ZZEF1: variants seen among roughly 807,000 people sequenced by gnomAD.
ZZEF1 encodes zinc finger ZZ-type and EF-hand domain containing 1.
In ZZEF1, 157 loss-of-function variants were observed where a neutral mutation model predicts 342.8. The observed-to-expected ratio is 0.46, with a 90% CI of 0.40 to 0.52. The LOEUF (loss-of-function observed/expected upper bound fraction) is 0.52. Among genes scored for constraint, ZZEF1 ranks in the 20% least tolerant of loss-of-function variants. The probability of loss-of-function intolerance (pLI) is 0.00; values close to 1 mark genes in which losing one functional copy is unlikely to be tolerated. For synonymous variants in ZZEF1, 1,505 were observed against 1,429.1 expected (o/e 1.05, Z -1.20); for missense variants, 3,480 against 3,725.6 (o/e 0.93, Z 1.72).
At chr17:4,049,333 G>A (rs569890892) in intron 37 of ZZEF1, among the ~76,000 whole-genome samples, 8 of 152,064 alleles carry the variant, frequency 5.3e-5, no homozygotes, top group Middle Eastern at 3.4e-3. Flanking sequence ...GCAACATGGC[G>A]AAACCCTGTC....
chr17:4,131,944 AC>A (rs1200344741), intron 1 of ZZEF1, among the ~76,000 whole-genome samples: 29 of 152,332 alleles, frequency 1.9e-4, no homozygotes, highest in Admixed American at 1.2e-3. Context: ...AAGGTAAAAG[AC>A]AACTCAAGTC....
At chr17:4,064,959 A>G (rs983034289) in intron 28 of ZZEF1, 130 bp from the exon 29 acceptor site, 6 of 654,520 alleles carry the variant, frequency 9.2e-6, no homozygotes, top group African/African-American at 1.8e-5. Context: ...GCACACCAAC[A>G]TGGCACATGT....
chr17:4,109,581 T>C, intron 6 of ZZEF1, 72 bp downstream of exon 6: 1 of 1,511,402 alleles, frequency 6.6e-7, no homozygotes, highest in Non-Finnish European at 9.1e-7. Flanking sequence ...GGCTGCTCAG[T>C]GATACGCCCT....
chr17:4,134,732 C>A (rs1243796455), intron 1 of ZZEF1, among the ~76,000 whole-genome samples: 1 of 151,950 alleles, frequency 6.6e-6, no homozygotes. Flanking sequence ...GAATCCTGGA[C>A]TGATTCCAGA....
chr17:4,089,245 C>T (rs1487385328), intron 12 of ZZEF1, among the ~76,000 whole-genome samples: 1 of 152,114 alleles, frequency 6.6e-6, no homozygotes, highest in Non-Finnish European at 1.5e-5. Flanking sequence ...CAGTCAATGC[C>T]CTCCACCTCA....
chr17:4,052,403 T>C (rs930268348), intron 34 of ZZEF1, among the ~76,000 whole-genome samples: 31 of 152,308 alleles, frequency 2.0e-4, no homozygotes, highest in African/African-American at 7.5e-4. Context: ...CAAGTCCACA[T>C]GTTAATTTGT....
chr17:4,009,274 A>G (rs1026145561), intron 53 of ZZEF1: 14 of 559,114 alleles, frequency 2.5e-5, no homozygotes, highest in African/African-American at 2.4e-4. Flanking sequence ...CAATCAGTCT[A>G]TTGTGCTGAG....
At chr17:4,134,234 G>T (rs1002960915) in intron 1 of ZZEF1, among the ~76,000 whole-genome samples, 2 of 150,910 alleles carry the variant, frequency 1.3e-5, no homozygotes, top group African/African-American at 2.4e-5. Context: ...TGGGAGGACC[G>T]CTTGAACCTA....
intron 3 of ZZEF1, among the ~76,000 whole-genome samples, chr17:4,114,749 T>C (rs559891126): frequency 1.8e-4 from 27 of 152,274 alleles, no homozygotes; most frequent in African/African-American, 6.5e-4. Context: ...TGGCCAAGGA[T>C]TACCCCATCG....
intron 46 of ZZEF1, among the ~76,000 whole-genome samples, chr17:4,018,511 G>A (rs927774220): frequency 6.6e-6 from 1 of 152,170 alleles, no homozygotes; most frequent in Non-Finnish European, 1.5e-5. Context: ...TGGGTTCAGA[G>A]TGACTCCACT....
At chr17:4,094,300 G>T (rs2057995802) in intron 11 of ZZEF1, among the ~76,000 whole-genome samples, 1 of 151,918 alleles carries the variant, frequency 6.6e-6, no homozygotes, top group Non-Finnish European at 1.5e-5. Context: ...TGATACCATG[G>T]CCAGCTAATT....
intron 52 of ZZEF1, 100 bp from the exon 53 acceptor site, chr17:4,009,857 C>G: frequency 7.3e-7 from 1 of 1,365,188 alleles, no homozygotes; most frequent in Middle Eastern, 2.0e-4. Flanking sequence ...CTCCCTCTCC[C>G]ACAGCTGGTA....
At chr17:4,115,968 T>G (rs2058387355) in intron 3 of ZZEF1, among the ~76,000 whole-genome samples, 1 of 152,242 alleles carries the variant, frequency 6.6e-6, no homozygotes, top group Non-Finnish European at 1.5e-5. Flanking sequence ...TTTTAGCATT[T>G]TATTTTTAGT....
chr17:4,037,175 G>C (rs192562989), intron 39 of ZZEF1, among the ~76,000 whole-genome samples: 160 of 152,230 alleles, frequency 1.1e-3, no homozygotes, highest in African/African-American at 3.7e-3. Flanking sequence ...TAAATTGTTT[G>C]ATGAGAAACA....
intron 26 of ZZEF1, among the ~76,000 whole-genome samples, chr17:4,067,695 T>C (rs1337277505): frequency 6.6e-6 from 1 of 152,232 alleles, no homozygotes; most frequent in Non-Finnish European, 1.5e-5. Context: ...CAGCAGCTCA[T>C]GCTTATAATC....
intron 39 of ZZEF1, among the ~76,000 whole-genome samples, chr17:4,042,205 GA>G (rs201493267): frequency 0.011 from 1,626 of 151,798 alleles, 23 homozygotes; most frequent in African/African-American, 0.037. Flanking sequence ...TAAAAAGGTA[GA>G]AAAAAATCAT....
In ZZEF1 at chr17:4,032,819, G is replaced by C; in HGVS notation, c.6759+9C>G. The C allele has an allele frequency of 1.2e-6, 2 of 1,613,698 alleles. No individual in the cohort carries two copies. Among genetic ancestry groups the C allele is most frequent in the Non-Finnish European group, 1.7e-6 (2 of 1,179,654 alleles). ...GTGACCAGGCCCTCAGGCCTTCAGA[G>C]TGTGGTACCTGGGGGAAGCCAACCA... On this transcript the variant is annotated intron_variant, in intron 41 of 54. Transcript: ENST00000381638.
chr17:4,008,412 A>T lies in ZZEF1; in HGVS notation c.8805+471T>A. ...AGGTTTACACTTTTGCTTAATTTTT[A>T]AATTGAAAATCTCGTTTCTAATGGC... On this transcript the variant is annotated intron_variant, in intron 54 of 54. Transcript: ENST00000381638. The surrounding 1 kb of genome is among the most constrained non-coding windows in gnomAD (Gnocchi z 4.2). 2 of 555,886 alleles carry T rather than the reference A, an allele frequency of 3.6e-6. No individual in the cohort carries two copies. Among genetic ancestry groups the T allele is most frequent in the Non-Finnish European group, 4.6e-6 (2 of 438,352 alleles). The allele number at this position is 555,886 out of a possible 1,614,324, so 34.4% of individuals were successfully genotyped here.
At chr17:4,075,952 A>C (rs1333823652) in intron 21 of ZZEF1, 1 of 151,954 alleles carries the variant, frequency 6.6e-6, no homozygotes, top group Non-Finnish European at 1.5e-5. Flanking sequence ...GACAGTGATT[A>C]AACGTTATGT....
Sources: gnomAD v4.1 joint callset for allele counts (sites outside exome capture counted in the v4.1 genomes callset) on GRCh38, gnomAD v4.1.1 for gene constraint, Gnocchi (gnomAD v3.1) non-coding constraint, MANE v1.5 for transcripts, NCBI Gene and HGNC (gene_info 2026-07-23, HGNC 2026-07-21) for gene names.